ANO1: variants seen among roughly 807,000 people sequenced by gnomAD.
ANO1 encodes anoctamin 1, also known as anoctamin-1.
In ANO1, 59 loss-of-function variants were observed where a neutral mutation model predicts 124.0. The ratio of observed to expected loss-of-function variants is 0.48; its 90% confidence interval spans 0.39 to 0.59. ANO1 has a LOEUF of 0.59. Among genes scored for constraint, ANO1 ranks in the 20% least tolerant of loss-of-function variants. The probability of loss-of-function intolerance (pLI) is 0.00; values close to 1 mark genes in which losing one functional copy is unlikely to be tolerated. For synonymous variants in ANO1, 529 were observed against 532.0 expected, an observed-to-expected ratio of 0.99 and a Z score of 0.08; for missense variants, 1,059 against 1,328.0, an observed-to-expected ratio of 0.80 and a Z score of 3.15.
At chr11:70,092,073 C>T (rs1366865602) in intron 2 of ANO1, among the ~76,000 whole-genome samples, 2 of 152,204 alleles carry the variant, frequency 1.3e-5, no homozygotes, top group African/African-American at 4.8e-5. Context: ...AGGGGAGGAT[C>T]CTTCCTGCCT....
intron 1 of ANO1, chr11:70,064,466 C>T (rs2135121503): frequency 6.6e-6 from 1 of 152,386 alleles, no homozygotes; most frequent in Middle Eastern, 3.4e-3. Flanking sequence ...AGATGGGCGC[C>T]CTGGACTGAG....
chr11:70,096,801 C>T (rs987469453), intron 2 of ANO1, among the ~76,000 whole-genome samples: 2 of 152,106 alleles, frequency 1.3e-5, no homozygotes, highest in Non-Finnish European at 2.9e-5. Context: ...GCGGAGATTG[C>T]AGTCAGCCAA....
chr11:70,045,030 C>T (rs1469866654), intron 1 of ANO1, among the ~76,000 whole-genome samples: 1 of 152,012 alleles, frequency 6.6e-6, no homozygotes, highest in African/African-American at 2.4e-5. Flanking sequence ...GGGGAAAATG[C>T]ATAGATATAT....
intron 25 of ANO1, among the ~76,000 whole-genome samples, chr11:70,186,026 C>A (rs1440729644): frequency 6.6e-6 from 1 of 152,192 alleles, no homozygotes. Context: ...TGGCTCACAC[C>A]TGTAATCCCA....
At position 70,033,767 on chromosome 11, in the gene ANO1, A is replaced by C. The variant is rs564288112; in HGVS notation, c.59-44775A>C. 5.3e-5 allele frequency among the ~76,000 whole-genome samples: 8 copies of C among 152,216 alleles called. No homozygotes were observed. The South Asian group carries it at 1.7e-3, about 32-fold the overall frequency. ...TATTGAAACATGGCCATGCTCATTC[A>C]TTCCATATTGTCTGTCTGCTTTTGC... On this transcript the variant is annotated intron_variant, in intron 1 of 27. Transcript: ENST00000531349.
At position 70,095,304 on chromosome 11, in the gene ANO1, GAAA is replaced by G. The variant is rs1565193349; in HGVS notation, c.441+7221_441+7223del. On this transcript the variant is annotated intron_variant, in intron 2 of 25. Coordinates refer to ENST00000355303, the MANE Select transcript of ANO1 (RefSeq NM_018043.7). ...GGAAGGAAGGAAGGAAGGAAGGAAA[GAAA>G]GAAAGAAAGAAAGGAAAGAAAGAAA... Among the ~76,000 whole-genome samples the G allele has an allele frequency of 3.0e-3, 204 of 68,396 alleles. 19 individuals are homozygous for G. Among genetic ancestry groups the G allele is most frequent in the African/African-American group, 0.01 (186 of 18,422 alleles). The allele number at this position is 68,396 out of a possible 152,430, so 44.9% of individuals were successfully genotyped here.
At chr11:69,982,250 C>T (rs118145171), upstream of ANO1, among the ~76,000 whole-genome samples, 2,319 of 152,262 alleles carry the variant, frequency 0.015, 46 homozygotes, top group Middle Eastern at 0.041. Flanking sequence ...CCACCAGGGG[C>T]CCCCGTTACT....
intron 22 of ANO1, among the ~76,000 whole-genome samples, chr11:70,176,213 C>T (rs1281175677): frequency 6.8e-6 from 1 of 147,334 alleles, no homozygotes. Context: ...GGCTGAAGTG[C>T]AATGGCATGA....
intron 11 of ANO1, among the ~76,000 whole-genome samples, chr11:70,141,060 G>T (rs1158129193): frequency 6.6e-6 from 1 of 152,082 alleles, no homozygotes; most frequent in South Asian, 2.1e-4. Flanking sequence ...TCTCAGATGC[G>T]CACCCCGGCC....
chr11:70,147,766 G>A (rs990086224), intron 11 of ANO1, among the ~76,000 whole-genome samples: 2 of 152,096 alleles, frequency 1.3e-5, no homozygotes, highest in African/African-American at 4.8e-5. Flanking sequence ...AGCTTCTTCT[G>A]GGCAGCTCCA....
At chr11:70,126,236 G>A in intron 10 of ANO1, 41 bp downstream of exon 10, 1 of 1,588,622 alleles carries the variant, frequency 6.3e-7, no homozygotes, top group African/African-American at 1.3e-5. Flanking sequence ...AGTACACAGA[G>A]GAGCCCTCTC....
chr11:70,165,570 C>G lies in ANO1; in HGVS notation c.2051C>G (p.Pro684Arg). ...AACAACCTGTTCGAGATCGGCATCC[C>G]GTGAGTGTGCTGCAGCGGGTTAGAG... ...IQNNLFEIGI[P>R]KMKKLIRYLK... Residue 684 changes from proline to arginine, a missense_variant and splice_region_variant, in exon 20 of 26, where the codon CCG (proline) becomes CGG (arginine). Physicochemically the swap from Pro to Arg is moderately radical, Grantham distance 103. This residue lies in a region of ANO1 where 809 missense variants were observed against 1,094.9 expected (regional missense o/e 0.74). Coordinates refer to ENST00000355303, the MANE Select transcript of ANO1 (RefSeq NM_018043.7). 1 of 1,609,056 alleles carries G rather than the reference C, an allele frequency of 6.2e-7. No homozygotes were observed. The highest frequency in any genetic ancestry group is 8.5e-7 in the Non-Finnish European group (1 of 1,177,672).
chr11:70,001,227 G>A (rs1256916439), intron 1 of ANO1, among the ~76,000 whole-genome samples: 1 of 152,198 alleles, frequency 6.6e-6, no homozygotes, highest in Non-Finnish European at 1.5e-5. Flanking sequence ...GCTTGGTCAG[G>A]CAGCTAGCTG....
In ANO1 at chr11:70,174,361, ACTCC is replaced by A. The variant is rs1335767240; in HGVS notation, c.2350+3323_2350+3326del. Among the ~76,000 whole-genome samples the A allele has an allele frequency of 2.6e-5, 4 of 151,630 alleles. No individual in the cohort carries two copies. In the East Asian group the frequency reaches 8.1e-4, roughly 31 times the overall value. On this transcript the variant is annotated intron_variant, in intron 22 of 25. Transcript: ENST00000355303. ...CAGTGAGCCGAGATCGCACCACTGC[ACTCC>A]AGCCTGGGCAACACAGCGAGACTCC...
intron 16 of ANO1, among the ~76,000 whole-genome samples, chr11:70,157,453 C>T (rs994351671): frequency 6.6e-6 from 1 of 151,036 alleles, no homozygotes; most frequent in Non-Finnish European, 1.5e-5. Flanking sequence ...TCCCAGGGTG[C>T]GCCGGCCCCA....
chr11:70,163,830 C>T (rs540124935), intron 19 of ANO1, among the ~76,000 whole-genome samples: 6 of 151,442 alleles, frequency 4.0e-5, no homozygotes, highest in East Asian at 1.9e-4. Context: ...CCCACCTACT[C>T]GGGAGGCTGA....
At chr11:70,174,460 C>T (rs538355839) in intron 22 of ANO1, among the ~76,000 whole-genome samples, 9 of 152,156 alleles carry the variant, frequency 5.9e-5, no homozygotes, top group African/African-American at 1.9e-4. Context: ...TGTCGAAAAA[C>T]AGGCCACCAT....
intron 1 of ANO1, among the ~76,000 whole-genome samples, chr11:70,049,191 G>A (rs569657687): frequency 5.9e-5 from 9 of 152,088 alleles, no homozygotes; most frequent in Non-Finnish European, 8.8e-5. Context: ...AGTGGGAGCT[G>A]GAAGCTCAGC....
chr11:70,059,800 T>G (rs1250937415), intron 1 of ANO1, among the ~76,000 whole-genome samples: 1 of 152,136 alleles, frequency 6.6e-6, no homozygotes, highest in East Asian at 1.9e-4. Context: ...GAATGAATTT[T>G]CCATGATCGA....
Sources: gnomAD v4.1 joint callset for allele counts (sites outside exome capture counted in the v4.1 genomes callset) on GRCh38, gnomAD v4.1.1 for gene constraint, gnomAD v4.1.1 regional missense constraint, MANE v1.5 for transcripts, NCBI Gene and HGNC (gene_info 2026-07-23, HGNC 2026-07-21) for gene names.